The following PTPN12 variants were observed in gnomAD, a reference collection of about 807,000 sequenced individuals.
PTPN12 encodes the protein tyrosine-protein phosphatase non-receptor type 12.
In PTPN12, 29 loss-of-function variants were observed where a neutral mutation model predicts 97.6. That is an observed-to-expected ratio of 0.30 (90% CI 0.22 to 0.41). The LOEUF is 0.41. Among genes scored for constraint, PTPN12 ranks in the 10% least tolerant of loss-of-function variants. The pLI is 1.00. For missense variants in PTPN12, 819 were observed against 926.0 expected, an observed-to-expected ratio of 0.88 and a Z score of 1.50; for synonymous variants, 327 against 300.4, an observed-to-expected ratio of 1.09 and a Z score of -0.91.
At position 77,605,409 on chromosome 7, in the gene PTPN12, G is replaced by GGTT. The variant is rs1554321255; in HGVS notation, c.696-1826_696-1825insGTT. ...TTACTTTAAAATACTTTTGTCATGA[G>GGTT]TTTTTTTTTTTTTTTTTTTTTTTTT... On this transcript the variant is annotated intron_variant, in intron 8 of 17. Coordinates refer to ENST00000248594, the MANE Select transcript of PTPN12 (RefSeq NM_002835.4). 1.2e-3 allele frequency among the ~76,000 whole-genome samples: 111 copies of GGTT among 95,546 alleles called. 31 individuals carry two copies. Among genetic ancestry groups the GGTT allele is most frequent in the African/African-American group, 1.4e-3 (34 of 24,240 alleles). 62.7% of individuals were successfully genotyped at this position (95,546 alleles called of 152,430 possible). A position where few individuals can be genotyped will look rare whatever the true frequency, so the allele number is the denominator to read the frequency against.
At chr7:77,553,291 G>A (rs1165037403) in intron 1 of PTPN12, among the ~76,000 whole-genome samples, 1 of 152,188 alleles carries the variant, frequency 6.6e-6, no homozygotes, top group Non-Finnish European at 1.5e-5. Flanking sequence ...CTATAGACGT[G>A]CATTATATAT....
chr7:77,586,926 A>T (rs1269350748), intron 5 of PTPN12, among the ~76,000 whole-genome samples: 1 of 152,136 alleles, frequency 6.6e-6, no homozygotes, highest in Non-Finnish European at 1.5e-5. Context: ...TTATCATGAG[A>T]TTGTGGCAAT....
At chr7:77,609,104 C>T (rs1788471669) in intron 9 of PTPN12, among the ~76,000 whole-genome samples, 1 of 151,976 alleles carries the variant, frequency 6.6e-6, no homozygotes, top group African/African-American at 2.4e-5. Context: ...CCTGTAATCC[C>T]AGTTACTTGT....
At chr7:77,542,957 C>T (rs1360866776) in intron 1 of PTPN12, among the ~76,000 whole-genome samples, 1 of 151,944 alleles carries the variant, frequency 6.6e-6, no homozygotes, top group African/African-American at 2.4e-5. Flanking sequence ...ATAGAGTGAC[C>T]AGCTTTAGGT....
chr7:77,586,121 T>C (rs927476200), intron 5 of PTPN12, among the ~76,000 whole-genome samples: 1 of 152,080 alleles, frequency 6.6e-6, no homozygotes, highest in African/African-American at 2.4e-5. Flanking sequence ...AACTGGCTAA[T>C]TTTTGTAGTT....
intron 9 of PTPN12, among the ~76,000 whole-genome samples, chr7:77,610,262 G>T (rs1017488116): frequency 1.3e-5 from 2 of 152,132 alleles, no homozygotes; most frequent in Non-Finnish European, 2.9e-5. Context: ...AGGAGATACT[G>T]GCCAATAGAA....
intron 1 of PTPN12, among the ~76,000 whole-genome samples, chr7:77,561,836 G>C (rs1415557539): frequency 6.6e-6 from 1 of 151,776 alleles, no homozygotes; most frequent in East Asian, 1.9e-4. Flanking sequence ...CTGTCGCCCA[G>C]GCTGGAATGC....
intron 1 of PTPN12, among the ~76,000 whole-genome samples, chr7:77,557,862 TGGG>T (rs889552629): frequency 6.6e-6 from 1 of 152,106 alleles, no homozygotes. Flanking sequence ...CATTAACTGT[TGGG>T]GGAGTAGCTA....
At chr7:77,548,798 T>C (rs1240510556) in intron 1 of PTPN12, among the ~76,000 whole-genome samples, 1 of 152,254 alleles carries the variant, frequency 6.6e-6, no homozygotes. Context: ...CTTGAGCAGG[T>C]TGAAGCATCA....
chr7:77,540,639 T>C (rs1279369377), intron 1 of PTPN12, among the ~76,000 whole-genome samples: 1 of 149,556 alleles, frequency 6.7e-6, no homozygotes, highest in Non-Finnish European at 1.5e-5. Context: ...GGCTATTCTT[T>C]TATAGGGCTT....
At chr7:77,585,294 G>T (rs1787653772) in intron 4 of PTPN12, 1 of 334,596 alleles carries the variant, frequency 3.0e-6, no homozygotes, top group African/African-American at 2.1e-5. Flanking sequence ...AGATTTACAT[G>T]ATTTAATTCA....
At chr7:77,612,728 C>T (rs1159946308) in intron 11 of PTPN12, among the ~76,000 whole-genome samples, 3 of 151,766 alleles carry the variant, frequency 2.0e-5, no homozygotes, top group Admixed American at 6.6e-5. Flanking sequence ...TGAGCCACCG[C>T]GCCCGGCCTC....
chr7:77,572,680 A>G (rs994915872), intron 2 of PTPN12, among the ~76,000 whole-genome samples: 7 of 152,192 alleles, frequency 4.6e-5, no homozygotes, highest in Non-Finnish European at 7.4e-5. Flanking sequence ...TGCTAGCTAT[A>G]TGACCTTGGA....
intron 8 of PTPN12, among the ~76,000 whole-genome samples, chr7:77,603,737 A>C (rs191901390): frequency 6.6e-6 from 1 of 152,324 alleles, no homozygotes; most frequent in Admixed American, 6.5e-5. Context: ...TTGTTGGTCA[A>C]GGACATAAAC....
intron 7 of PTPN12, 75 bp downstream of exon 7, chr7:77,597,976 C>T (rs1788073670): frequency 6.4e-7 from 1 of 1,553,928 alleles, no homozygotes; most frequent in South Asian, 1.2e-5. Context: ...GCCTGTAATC[C>T]CAACACTTTG....
chr7:77,634,820 G>A (rs1308457438), intron 14 of PTPN12, among the ~76,000 whole-genome samples: 2 of 150,430 alleles, frequency 1.3e-5, no homozygotes, highest in Non-Finnish European at 3.0e-5. Flanking sequence ...CCTCGTGATC[G>A]CCCGCCTCAG....
intron 9 of PTPN12, among the ~76,000 whole-genome samples, chr7:77,609,081 G>A (rs1192235518): frequency 3.3e-5 from 5 of 151,980 alleles, no homozygotes; most frequent in African/African-American, 7.2e-5. Context: ...TTAGCCAGGC[G>A]TGGTGGCCGG....
intron 17 of PTPN12, 124 bp from the exon 18 acceptor site, chr7:77,639,095 A>T: frequency 2.5e-6 from 2 of 797,602 alleles, no homozygotes; most frequent in Non-Finnish European, 1.9e-6. Flanking sequence ...TGTTTGGCTT[A>T]AATTCTAAAT....
At chr7:77,543,958 A>G (rs1171698878) in intron 1 of PTPN12, among the ~76,000 whole-genome samples, 1 of 152,216 alleles carries the variant, frequency 6.6e-6, no homozygotes, top group East Asian at 1.9e-4. Context: ...GCTAATGTGA[A>G]TAATGCAGCT....
Sources: gnomAD v4.1 joint callset for allele counts (sites outside exome capture counted in the v4.1 genomes callset) on GRCh38, gnomAD v4.1.1 for gene constraint, MANE v1.5 for transcripts, NCBI Gene and HGNC (gene_info 2026-07-23, HGNC 2026-07-21) for gene names.